BCOR: variants seen among roughly 807,000 people sequenced by gnomAD.
BCOR encodes the protein BCL6 corepressor, also known as BCL-6 corepressor.
In BCOR, 10 loss-of-function variants were observed where a neutral mutation model predicts 86.7. The observed-to-expected ratio is 0.12, with a 90% confidence interval of 0.07 to 0.20. The LOEUF (loss-of-function observed/expected upper bound fraction) is 0.20. Ranked by LOEUF, BCOR falls within the 10% of genes least tolerant of loss-of-function variation. The probability of loss-of-function intolerance (pLI) is 1.00; values close to 1 mark genes in which losing one functional copy is unlikely to be tolerated. For synonymous variants in BCOR, 611 were observed against 609.0 expected (o/e 1.00, Z -0.05); for missense variants, 1,259 against 1,452.1 (o/e 0.87, Z 2.16).
At chrX:40,177,130 G>C (rs899130461) in exon 1 of BCOR, 1 of 110,713 alleles carries the variant, frequency 9.0e-6, no homozygotes, top group Non-Finnish European at 1.9e-5. Flanking sequence ...CCGGGAGGGG[G>C]TGTCTCAGAT....
chrX:40,096,548 G>A (rs1936883569), intron 1 of BCOR, among the ~76,000 whole-genome samples: 1 of 111,599 alleles, frequency 9.0e-6, no homozygotes, highest in Non-Finnish European at 1.9e-5. Context: ...TCGTGCTTTG[G>A]GGCAAGCCAA....
At chrX:40,093,170 G>A (rs1936694416) in intron 1 of BCOR, among the ~76,000 whole-genome samples, 1 of 112,066 alleles carries the variant, frequency 8.9e-6, no homozygotes, top group South Asian at 3.7e-4. Flanking sequence ...ATTCCCCTTG[G>A]CCAGTTCTTT....
intron 1 of BCOR, among the ~76,000 whole-genome samples, chrX:40,129,935 G>A (rs1002702601): frequency 6.3e-5 from 7 of 111,173 alleles, no homozygotes; most frequent in Non-Finnish European, 1.3e-4. Context: ...TAGCTACTTG[G>A]GAGGCTGAGG....
intron 1 of BCOR, among the ~76,000 whole-genome samples, chrX:40,150,925 G>A (rs1030292583): frequency 8.9e-6 from 1 of 112,391 alleles, no homozygotes; most frequent in East Asian, 2.8e-4. Flanking sequence ...CCATGGGGCC[G>A]AGCTCTGGGC....
At chrX:40,137,976 G>T (rs1303588802) in intron 1 of BCOR, among the ~76,000 whole-genome samples, 2 of 110,779 alleles carry the variant, frequency 1.8e-5, no homozygotes, top group Non-Finnish European at 3.8e-5. Context: ...TTTTAAGACA[G>T]AGTTTCACTC....
chrX:40,140,609 G>T (rs1937902025), intron 1 of BCOR, among the ~76,000 whole-genome samples: 1 of 112,842 alleles, frequency 8.9e-6, no homozygotes, highest in Non-Finnish European at 1.9e-5. Context: ...GAGACTTTAT[G>T]TTCTCTAAGG....
At chrX:40,082,055 T>C (rs1225238695) in intron 1 of BCOR, among the ~76,000 whole-genome samples, 1 of 112,631 alleles carries the variant, frequency 8.9e-6, no homozygotes, top group Non-Finnish European at 1.9e-5. Flanking sequence ...TGAGAGCACC[T>C]GAGCTTGGCC....
chrX:40,176,560 C>T (rs1046895761), intron 1 of BCOR, among the ~76,000 whole-genome samples: 14 of 112,829 alleles, frequency 1.2e-4, no homozygotes, highest in African/African-American at 4.2e-4. Flanking sequence ...CCGCTCTCGC[C>T]CCGGGAGCCC....
chrX:40,084,156 G>T (rs950145424), intron 1 of BCOR, among the ~76,000 whole-genome samples: 5 of 111,807 alleles, frequency 4.5e-5, no homozygotes, highest in Non-Finnish European at 9.4e-5. Context: ...AATCTCGGGC[G>T]TTGGGGTCCG....
rs765963099 is a variant in BCOR at position 40,110,992 on chromosome X, C to T, written c.-40-33023G>A. The stretch of plus-strand genomic sequence containing the variant: ...CCTCCCAAAGTGCTGGGATTACAGG[C>T]GTGAGCCACCACGCCCGGCCGAGAA... On this transcript the variant is annotated intron_variant, in intron 1 of 14. Coordinates refer to the BCOR transcript ENST00000342274. 9.7e-3 allele frequency among the ~76,000 whole-genome samples: 1,065 copies of T among 110,336 alleles called. 6 individuals carry two copies. The highest frequency in any genetic ancestry group is 0.033 in the African/African-American group (1,015 of 30,447).
chrX:40,057,929 C>T (rs772124943), intron 10 of BCOR, among the ~76,000 whole-genome samples: 46 of 112,072 alleles, frequency 4.1e-4, no homozygotes, highest in African/African-American at 1.5e-3. Flanking sequence ...GGAGCCTGGG[C>T]GGCAGTGCCT....
chrX:40,107,320 G>T (rs1937209105), intron 1 of BCOR, among the ~76,000 whole-genome samples: 1 of 109,121 alleles, frequency 9.2e-6, no homozygotes, highest in Admixed American at 9.6e-5. Context: ...GGGGCGGGGC[G>T]ACCCAGCAGA....
chrX:40,136,576 G>A (rs1937685979), intron 1 of BCOR, among the ~76,000 whole-genome samples: 1 of 111,301 alleles, frequency 9.0e-6, no homozygotes, highest in African/African-American at 3.3e-5. Flanking sequence ...TATTTTTATT[G>A]CTCATGTACT....
chrX:40,136,504 T>G (rs1937684563), intron 1 of BCOR, among the ~76,000 whole-genome samples: 1 of 111,995 alleles, frequency 8.9e-6, no homozygotes, highest in South Asian at 3.6e-4. Flanking sequence ...ACATTCCATC[T>G]CTCTGTAGCC....
intron 1 of BCOR, among the ~76,000 whole-genome samples, chrX:40,139,544 G>A (rs1489255169): frequency 1.2e-5 from 1 of 80,596 alleles, no homozygotes; most frequent in African/African-American, 4.2e-5. Context: ...AGGCGCAGTG[G>A]CTGACGCCTA....
At chrX:40,173,963 G>A (rs757300193) in intron 1 of BCOR, among the ~76,000 whole-genome samples, 1 of 112,821 alleles carries the variant, frequency 8.9e-6, no homozygotes, top group Admixed American at 9.3e-5. Context: ...AGACAGAATC[G>A]GTCAGACTTC....
intron 1 of BCOR, among the ~76,000 whole-genome samples, chrX:40,128,340 G>GT (rs1203337655): frequency 8.9e-6 from 1 of 111,934 alleles, no homozygotes; most frequent in African/African-American, 3.2e-5. Flanking sequence ...GAGCTCAGGA[G>GT]TTTGAGACCA....
Position 40,084,703 on chromosome X carries a change from A to G in BCOR, c.-40-6734T>C, listed in dbSNP as rs866643081. Among the ~76,000 whole-genome samples, 145 of 52,961 alleles carry G rather than the reference A, an allele frequency of 2.7e-3. 3 individuals carry two copies. Among genetic ancestry groups the G allele is most frequent in the African/African-American group, 0.014 (135 of 9,823 alleles). The allele number at this position is 52,961 out of a possible 115,157, so 46.0% of individuals were successfully genotyped here. A position where few individuals can be genotyped will look rare whatever the true frequency, so the allele number is the denominator to read the frequency against. On this transcript the variant is annotated intron_variant, in intron 1 of 14. Transcript: ENST00000378444. Reference sequence around the variant, plus strand: ...GTAAAACACAAACGCCGTCGCCGCCACCCCCCCCCACCACCACCACCACCG... The same window carrying G: ...GTAAAACACAAACGCCGTCGCCGCCGCCCCCCCCCACCACCACCACCACCG...
chrX:40,083,396 G>A (rs1261872191), intron 1 of BCOR, among the ~76,000 whole-genome samples: 6 of 111,804 alleles, frequency 5.4e-5, no homozygotes, highest in African/African-American at 1.6e-4. Flanking sequence ...AGCCTTAGCC[G>A]TAGCCAGCAC....
Sources: gnomAD v4.1 joint callset for allele counts (sites outside exome capture counted in the v4.1 genomes callset) on GRCh38, gnomAD v4.1.1 for gene constraint, MANE v1.5 for transcripts, NCBI Gene and HGNC (gene_info 2026-07-23, HGNC 2026-07-21) for gene names.